RCOR3: variants seen among roughly 807,000 people sequenced by gnomAD.
RCOR3 encodes REST corepressor 3.
Under a neutral mutation model 64.1 loss-of-function variants are expected in RCOR3, and 13 were observed. That is an observed-to-expected ratio of 0.20 (90% CI 0.13 to 0.32). The LOEUF is 0.32. Ranked by LOEUF, RCOR3 falls within the 10% of genes least tolerant of loss-of-function variation. The pLI, the probability that RCOR3 is intolerant of heterozygous loss-of-function variation, is 1.00. For missense variants in RCOR3, 489 were observed against 701.2 expected, an observed-to-expected ratio of 0.70 and a Z score of 3.42; for synonymous variants, 215 against 239.0, an observed-to-expected ratio of 0.90 and a Z score of 0.93.
intron 10 of RCOR3, among the ~76,000 whole-genome samples, chr1:211,308,666 T>TTTG (rs1372129926): frequency 2.7e-4 from 7 of 25,612 alleles, no homozygotes; most frequent in African/African-American, 6.3e-4. Context: ...GATGTGTTTT[T>TTTG]TTTTTTGTTT....
chr1:211,271,183 A>C, intron 2 of RCOR3, 49 bp from the exon 3 acceptor site: 1 of 1,525,912 alleles, frequency 6.6e-7, no homozygotes, highest in East Asian at 2.3e-5. Context: ...ACTTATTTTC[A>C]GTGTAAATAA....
At chr1:211,267,608 T>C (rs761546460) in intron 2 of RCOR3, among the ~76,000 whole-genome samples, 53 of 152,346 alleles carry the variant, frequency 3.5e-4, no homozygotes, top group Non-Finnish European at 5.9e-5. Flanking sequence ...TATTTATTTA[T>C]TGAGACAGGG....
chr1:211,274,079 G>A (rs935550469), intron 3 of RCOR3, 131 bp from the exon 4 acceptor site: 15 of 490,786 alleles, frequency 3.1e-5, no homozygotes, highest in Non-Finnish European at 3.8e-5. Context: ...ACATTTCATG[G>A]GAGGTGCCTT....
At position 211,313,450 on chromosome 1, in the gene RCOR3, A is replaced by G. The variant is rs147113099; in HGVS notation, c.1344A>G (p.Thr448=). ...EEAQTPQAPR[T]LGPSPPAPSS... ...CACAGACCCCACAGGCTCCTCGGAC[A>G]CTGGGTCCATCACCTCCTGCCCCAT... The change falls in exon 12 of 12, where the codon ACA becomes ACG. Residue 448 remains threonine (T), a synonymous_variant. Transcript: ENST00000419091. This position sits in a 1 kb window ranked among gnomAD's most constrained non-coding sequence, Gnocchi z 4.7. The G allele has an allele frequency of 9.6e-5, 155 of 1,613,826 alleles. No individual in the cohort carries two copies. The highest frequency in any genetic ancestry group is 1.3e-4 in the Non-Finnish European group (150 of 1,179,930).
chr1:211,308,607 C>G (rs922447790), intron 10 of RCOR3, among the ~76,000 whole-genome samples: 3 of 149,972 alleles, frequency 2.0e-5, no homozygotes, highest in African/African-American at 7.4e-5. Context: ...GAAAAAAAAT[C>G]CTCTGAAATT....
chr1:211,280,789 G>A (rs1206171416), intron 7 of RCOR3, among the ~76,000 whole-genome samples: 1 of 152,132 alleles, frequency 6.6e-6, no homozygotes, highest in Admixed American at 6.5e-5. Context: ...TTCAAGACCA[G>A]CCTGACCAAC....
At chr1:211,308,698 T>TTTTTTTTGTGTGTG (rs1701171863) in intron 10 of RCOR3, among the ~76,000 whole-genome samples, 2 of 40,846 alleles carry the variant, frequency 4.9e-5, no homozygotes, top group African/African-American at 1.4e-4. Flanking sequence ...TTTTTTTTTT[T>TTTTTTTTGTGTGTG]TGTGTAGTCC....
At position 211,289,416 on chromosome 1, in the gene RCOR3, T is replaced by C. The variant is rs894341385; in HGVS notation, c.939+20T>C. The C allele has an allele frequency of 1.9e-6, 3 of 1,557,228 alleles. No homozygotes were observed. In the African/African-American group the frequency reaches 4.1e-5, roughly 21 times the overall value. On this transcript the variant is annotated intron_variant, in intron 8 of 11. Transcript: ENST00000419091. ...CGTCAGGTATTTTATAAAAATAATA[T>C]TTTTAATGATTCTGTGCATTTTGGC...
chr1:211,269,853 TGTG>T (rs1265435671), intron 2 of RCOR3, among the ~76,000 whole-genome samples: 1 of 151,782 alleles, frequency 6.6e-6, no homozygotes, highest in East Asian at 1.9e-4. Context: ...AGAGGCTAGG[TGTG>T]GTGGCATGCA....
chr1:211,281,110 C>T (rs1437940381), intron 7 of RCOR3, among the ~76,000 whole-genome samples: 2 of 152,022 alleles, frequency 1.3e-5, no homozygotes, highest in African/African-American at 2.4e-5. Flanking sequence ...ACTGAAACTG[C>T]TGACAGGTTA....
chr1:211,272,184 C>G (rs1420830462), intron 3 of RCOR3, among the ~76,000 whole-genome samples: 1 of 152,186 alleles, frequency 6.6e-6, no homozygotes, highest in Non-Finnish European at 1.5e-5. Context: ...AGCTAAAGGT[C>G]TAGCTGGTAA....
chr1:211,300,365 C>T (rs1263084766), intron 9 of RCOR3, among the ~76,000 whole-genome samples: 1 of 152,086 alleles, frequency 6.6e-6, no homozygotes, highest in East Asian at 1.9e-4. Context: ...CCACCACGTT[C>T]AGCCCCTTCT....
chr1:211,288,514 T>A (rs61415615), intron 7 of RCOR3, among the ~76,000 whole-genome samples: 24 of 666 alleles, frequency 0.036, no homozygotes, highest in East Asian at 0.25. Flanking sequence ...TTTATAAATA[T>A]ATTTATAATA....
intron 9 of RCOR3, among the ~76,000 whole-genome samples, chr1:211,299,730 A>C (rs1392854557): frequency 1.3e-5 from 2 of 152,136 alleles, no homozygotes; most frequent in Admixed American, 6.6e-5. Flanking sequence ...ATTATATATT[A>C]GATTGTCTTA....
chr1:211,295,529 T>C (rs1699771510), intron 8 of RCOR3, 147 bp from the exon 9 acceptor site: 1 of 625,676 alleles, frequency 1.6e-6, no homozygotes, highest in Non-Finnish European at 2.8e-6. Flanking sequence ...ATTAGTGGCA[T>C]GTCATACCCC....
At position 211,313,001 on chromosome 1, in the gene RCOR3, G is replaced by A. The variant is rs577062070; in HGVS notation, c.1317+40G>A. 1.2e-6 allele frequency: 2 copies of A among 1,606,750 alleles called. No homozygotes were observed. Among genetic ancestry groups the A allele is most frequent in the African/African-American group, 1.3e-5 (1 of 74,560 alleles). The stretch of plus-strand genomic sequence containing the variant: ...GGAATTTGAGCTAATATGAGTTGAG[G>A]AATCACCATTTTGTGTGGTATTCTG... On this transcript the variant is annotated intron_variant, in intron 11 of 11. Transcript: ENST00000419091. The surrounding 1 kb of genome is among the most constrained non-coding windows in gnomAD (Gnocchi z 4.7).
intron 7 of RCOR3, among the ~76,000 whole-genome samples, chr1:211,288,384 T>C (rs1425079811): frequency 2.0e-5 from 3 of 149,444 alleles, no homozygotes; most frequent in African/African-American, 7.3e-5. Flanking sequence ...TACTTTTAAC[T>C]CTTCCGAGAC....
chr1:211,295,021 G>A (rs544690572), intron 8 of RCOR3, among the ~76,000 whole-genome samples: 250 of 149,336 alleles, frequency 1.7e-3, no homozygotes, highest in Middle Eastern at 3.5e-3. Context: ...AGGACTACAG[G>A]TTCATGCCAC....
At chr1:211,265,650 C>T (rs1695063903) in intron 2 of RCOR3, among the ~76,000 whole-genome samples, 1 of 152,030 alleles carries the variant, frequency 6.6e-6, no homozygotes, top group South Asian at 2.1e-4. Flanking sequence ...ACCTGGGAGG[C>T]GGAGGTTGGA....
Sources: allele counts gnomAD v4.1 joint callset (sites outside exome capture counted in the v4.1 genomes callset), GRCh38; gene constraint gnomAD v4.1.1; non-coding constraint Gnocchi (gnomAD v3.1); transcripts MANE v1.5; gene names NCBI Gene and HGNC (gene_info 2026-07-23, HGNC 2026-07-21).